The following PPP1R9A variants were observed in gnomAD, a reference collection of about 807,000 sequenced individuals.
The protein encoded by PPP1R9A is protein phosphatase 1 regulatory subunit 9A.
In PPP1R9A, 59 loss-of-function variants were observed where a neutral mutation model predicts 141.9. The observed-to-expected ratio is 0.42, with a 90% CI of 0.34 to 0.52. The LOEUF is 0.52. Among genes scored for constraint, PPP1R9A ranks in the 20% least tolerant of loss-of-function variants. The probability of loss-of-function intolerance (pLI) is 0.10; values close to 1 mark genes in which losing one functional copy is unlikely to be tolerated. For missense variants in PPP1R9A, 1,444 were observed against 1,611.9 expected (o/e 0.90, Z 1.78); for synonymous variants, 500 against 569.7 (o/e 0.88, Z 1.74).
At chr7:95,245,629 T>C (rs12667673) in intron 8 of PPP1R9A, among the ~76,000 whole-genome samples, 76,342 of 151,820 alleles carry the variant, frequency 0.5, 19,485 homozygotes, top group African/African-American at 0.59. Context: ...ATTGCAGGGA[T>C]TTCTGAGCAG....
intron 2 of PPP1R9A, among the ~76,000 whole-genome samples, chr7:95,006,379 G>A (rs1035203101): frequency 2.0e-5 from 3 of 151,756 alleles, no homozygotes; most frequent in Non-Finnish European, 4.4e-5. Flanking sequence ...CACCAGACCC[G>A]GCTAATTTTT....
At chr7:95,261,650 T>C (rs1028197286) in intron 12 of PPP1R9A, among the ~76,000 whole-genome samples, 1 of 152,140 alleles carries the variant, frequency 6.6e-6, no homozygotes, top group Non-Finnish European at 1.5e-5. Context: ...TGAAAGTCAC[T>C]GTTGAGGGAT....
intron 2 of PPP1R9A, among the ~76,000 whole-genome samples, chr7:95,093,638 AAGG>A (rs1817645388): frequency 6.6e-6 from 1 of 152,190 alleles, no homozygotes; most frequent in Admixed American, 6.5e-5. Flanking sequence ...TACCCATCAA[AAGG>A]AGAGAAGTCT....
At chr7:94,921,276 C>G (rs553871705) in intron 2 of PPP1R9A, among the ~76,000 whole-genome samples, 1 of 152,058 alleles carries the variant, frequency 6.6e-6, no homozygotes. Flanking sequence ...GAAAACCCCT[C>G]TCTACTAAAA....
chr7:95,101,055 T>C (rs975268484), intron 2 of PPP1R9A, among the ~76,000 whole-genome samples: 8 of 151,696 alleles, frequency 5.3e-5, no homozygotes, highest in African/African-American at 1.9e-4. Context: ...GGTTTCACCG[T>C]GTTAGCCAGG....
intron 5 of PPP1R9A, among the ~76,000 whole-genome samples, chr7:95,173,664 A>G: frequency 6.6e-6 from 1 of 152,158 alleles, no homozygotes; most frequent in East Asian, 1.9e-4. Flanking sequence ...AGATTATTAT[A>G]ACAACTATAT....
intron 2 of PPP1R9A, among the ~76,000 whole-genome samples, chr7:95,093,407 C>T (rs76947745): frequency 0.067 from 10,150 of 152,138 alleles, 421 homozygotes; most frequent in African/African-American, 0.12. Flanking sequence ...TTCTTCCTGC[C>T]GGCTCTGTAT....
At chr7:95,244,879 A>C (rs2152994114) in intron 8 of PPP1R9A, among the ~76,000 whole-genome samples, 1 of 152,326 alleles carries the variant, frequency 6.6e-6, no homozygotes, top group African/African-American at 2.4e-5. Context: ...TTAATCATCC[A>C]ATAAGGAAGG....
intron 16 of PPP1R9A, among the ~76,000 whole-genome samples, chr7:95,275,488 T>C (rs907469190): frequency 2.0e-5 from 3 of 152,140 alleles, no homozygotes; most frequent in African/African-American, 4.8e-5. Flanking sequence ...TAGAATTTAA[T>C]TGATTTGCCC....
intron 2 of PPP1R9A, among the ~76,000 whole-genome samples, chr7:95,095,565 A>G (rs536397577): frequency 2.0e-5 from 3 of 152,198 alleles, no homozygotes; most frequent in Non-Finnish European, 2.9e-5. Context: ...GACAGATACC[A>G]TTTGTAGATT....
chr7:94,936,783 A>C (rs1794815279), intron 2 of PPP1R9A, among the ~76,000 whole-genome samples: 1 of 152,102 alleles, frequency 6.6e-6, no homozygotes, highest in Admixed American at 6.6e-5. Context: ...GTAAAACATT[A>C]ATTCTGTAAT....
intron 2 of PPP1R9A, among the ~76,000 whole-genome samples, chr7:94,921,638 C>T (rs1792853342): frequency 6.6e-6 from 1 of 151,802 alleles, no homozygotes; most frequent in African/African-American, 2.4e-5. Flanking sequence ...ACCCATTTCT[C>T]AGGGGGAAAG....
intron 8 of PPP1R9A, among the ~76,000 whole-genome samples, chr7:95,230,610 A>C (rs1795787770): frequency 6.6e-6 from 1 of 152,108 alleles, no homozygotes; most frequent in African/African-American, 2.4e-5. Context: ...ACAAATAAAA[A>C]AGAATTTTAA....
chr7:95,216,084 T>G (rs1290748850), intron 7 of PPP1R9A, among the ~76,000 whole-genome samples: 2 of 152,246 alleles, frequency 1.3e-5, no homozygotes, highest in Non-Finnish European at 2.9e-5. Context: ...TAGGTTTTCC[T>G]CTAGGGTTTT....
chr7:95,225,422 T>A (rs1473745983), intron 7 of PPP1R9A, among the ~76,000 whole-genome samples: 1 of 152,148 alleles, frequency 6.6e-6, no homozygotes, highest in Non-Finnish European at 1.5e-5. Context: ...TTAGAAACCT[T>A]TGGTTTATTC....
At chr7:95,027,396 G>A (rs1412445899) in intron 2 of PPP1R9A, among the ~76,000 whole-genome samples, 6 of 152,004 alleles carry the variant, frequency 3.9e-5, no homozygotes, top group South Asian at 4.1e-4. Context: ...GCTTCGGCTC[G>A]CCCCAAGTGG....
In PPP1R9A at chr7:95,273,888, G is replaced by A. The variant is rs1802657964; in HGVS notation, c.3125-11G>A. Reference sequence around the variant, plus strand: ...AATAATTGATCTTTTTCACAAATGTGTATATCCTAGATGATGCCAAAGATC... The same window carrying A: ...AATAATTGATCTTTTTCACAAATGTATATATCCTAGATGATGCCAAAGATC... On this transcript the variant is annotated splice_polypyrimidine_tract_variant and intron_variant, in intron 14 of 19. Coordinates refer to ENST00000433360, the MANE Select transcript of PPP1R9A (RefSeq NM_001166160.2). 6.7e-7 allele frequency: 1 copy of A among 1,487,582 alleles called. No individual in the cohort carries two copies. Among genetic ancestry groups the A allele is most frequent in the Non-Finnish European group, 9.2e-7 (1 of 1,086,468 alleles). 92.1% of individuals were successfully genotyped at this position (1,487,582 alleles called of 1,614,324 possible). A position where few individuals can be genotyped will look rare whatever the true frequency, so the allele number is the denominator to read the frequency against.
chr7:95,151,127 C>T (rs1465164737), intron 4 of PPP1R9A, among the ~76,000 whole-genome samples: 2 of 152,226 alleles, frequency 1.3e-5, no homozygotes, highest in Non-Finnish European at 1.5e-5. Flanking sequence ...TAAACACACT[C>T]TCATGATCTG....
At chr7:94,979,904 G>T (rs759317122) in intron 2 of PPP1R9A, among the ~76,000 whole-genome samples, 2 of 151,846 alleles carry the variant, frequency 1.3e-5, no homozygotes, top group Non-Finnish European at 2.9e-5. Flanking sequence ...AATGTTAAAG[G>T]TATTTTTTTT....
Sources: allele counts gnomAD v4.1 joint callset (sites outside exome capture counted in the v4.1 genomes callset), GRCh38; gene constraint gnomAD v4.1.1; transcripts MANE v1.5; gene names NCBI Gene and HGNC (gene_info 2026-07-23, HGNC 2026-07-21).